TTPA: variants seen among roughly 807,000 people sequenced by gnomAD.
TTPA encodes alpha tocopherol transfer protein, also known as alpha-tocopherol transfer protein.
In TTPA, 23 loss-of-function variants were observed where a neutral mutation model predicts 25.9. The ratio of observed to expected loss-of-function variants is 0.89; its 90% confidence interval spans 0.64 to 1.26. TTPA has a LOEUF of 1.26. Ranked by LOEUF, TTPA falls within the 50% of genes most tolerant of loss-of-function variation. The pLI is 0.00. For synonymous variants in TTPA, 148 were observed against 137.3 expected (o/e 1.08, Z -0.54); for missense variants, 337 against 353.1 (o/e 0.95, Z 0.37).
In TTPA at chr8:63,064,335, T is replaced by A; in HGVS notation, c.553-19A>T. ...ATGAATCCTTTTGAAAATAAAAAAA[T>A]CTTAATAACAAAACATAAATATTAC... is the stretch of plus-strand genomic sequence containing the variant. On this transcript the variant is annotated intron_variant, in intron 3 of 4. Transcript: ENST00000260116. The A allele has an allele frequency of 6.5e-7, 1 of 1,543,610 alleles. No homozygotes were observed. The highest frequency in any genetic ancestry group is 8.9e-7 in the Non-Finnish European group (1 of 1,121,382).
At chr8:63,062,419 T>G (rs987543890) in intron 4 of TTPA, among the ~76,000 whole-genome samples, 2 of 152,212 alleles carry the variant, frequency 1.3e-5, no homozygotes, top group Non-Finnish European at 2.9e-5. Context: ...TCAACAATCA[T>G]TTAATAAGCA....
intron 1 of TTPA, among the ~76,000 whole-genome samples, chr8:63,080,719 C>CAAAAAAAAAAA (rs764937720): frequency 1.4e-5 from 1 of 69,906 alleles, no homozygotes; most frequent in African/African-American, 4.5e-5. Context: ...GACTCCGTAT[C>CAAAAAAAAAAA]AAAAAAAAAA....
chr8:63,084,908 A>T (rs1805723679), intron 1 of TTPA, among the ~76,000 whole-genome samples: 1 of 152,184 alleles, frequency 6.6e-6, no homozygotes, highest in Admixed American at 6.5e-5. Flanking sequence ...AAACAAGAGA[A>T]ACCCTCAAAA....
At chr8:63,073,171 G>T in intron 1 of TTPA, 83 bp from the exon 2 acceptor site, 3 of 1,160,032 alleles carry the variant, frequency 2.6e-6, no homozygotes, top group Non-Finnish European at 3.7e-6. Context: ...TTGGCATTGT[G>T]TATAAACTTT....
chr8:63,073,108 T>C lies in TTPA; in HGVS notation c.205-20A>G. ...TAGTAACTGAAAAATAAAATTAAAA[T>C]TGTCTACAAATGGCATACATGGTAA... On this transcript the variant is annotated intron_variant, in intron 1 of 4. Transcript: ENST00000260116. The C allele has an allele frequency of 6.3e-7, 1 of 1,585,516 alleles. No individual in the cohort carries two copies. Among genetic ancestry groups the C allele is most frequent in the Non-Finnish European group, 8.6e-7 (1 of 1,159,286 alleles).
intron 4 of TTPA, among the ~76,000 whole-genome samples, chr8:63,063,259 ATTAGT>A (rs1006014749): frequency 2.0e-5 from 3 of 152,322 alleles, no homozygotes; most frequent in African/African-American, 7.2e-5. Flanking sequence ...TTCTTTACAG[ATTAGT>A]TTAGAATGGT....
chr8:63,064,675 A>G lies in TTPA; in HGVS notation c.553-359T>C, dbSNP rs1043366842. ...TTTCCCAAAAAATGTTTATTTTGAG[A>G]AAAAAAATCACAAATATTGAAAGAC... On this transcript the variant is annotated intron_variant, in intron 3 of 4. Coordinates refer to ENST00000260116, the MANE Select transcript of TTPA (RefSeq NM_000370.3). Among the ~76,000 whole-genome samples the G allele has an allele frequency of 8.5e-5, 13 of 152,054 alleles. 1 individual carries two copies. Among genetic ancestry groups the G allele is most frequent in the Admixed American group, 5.9e-4 (9 of 15,256 alleles).
chr8:63,065,620 G>C (rs1468330745), intron 3 of TTPA, among the ~76,000 whole-genome samples: 3 of 151,712 alleles, frequency 2.0e-5, no homozygotes, highest in African/African-American at 7.3e-5. Context: ...TTTTAATTTA[G>C]GAAAAAAAGT....
At chr8:63,061,464 G>C (rs1805305417) in intron 4 of TTPA, 39 bp from the exon 5 acceptor site, 2 of 1,592,228 alleles carry the variant, frequency 1.3e-6, no homozygotes, top group Non-Finnish European at 1.7e-6. Flanking sequence ...AACCGCATTA[G>C]ATGCATTTCC....
chr8:63,058,489 A>G (rs533211618), downstream of TTPA, among the ~76,000 whole-genome samples: 3 of 152,392 alleles, frequency 2.0e-5, no homozygotes, highest in South Asian at 4.1e-4. Flanking sequence ...CAATGAGCAC[A>G]TAATACAGTT....
chr8:63,071,166 T>C (rs1270546756), intron 2 of TTPA, among the ~76,000 whole-genome samples: 1 of 152,212 alleles, frequency 6.6e-6, no homozygotes, highest in Non-Finnish European at 1.5e-5. Flanking sequence ...AGGAAGATCA[T>C]GATGTCTGTT....
At chr8:63,064,163 T>A (rs377617923) in intron 4 of TTPA, 43 bp downstream of exon 4, 4 of 1,387,122 alleles carry the variant, frequency 2.9e-6, no homozygotes, top group Non-Finnish European at 4.1e-6. Flanking sequence ...AGGGTTGGAA[T>A]GTTTGGTGTA....
intron 2 of TTPA, among the ~76,000 whole-genome samples, chr8:63,069,930 T>C (rs1365908101): frequency 2.0e-5 from 3 of 152,194 alleles, no homozygotes; most frequent in Admixed American, 2.0e-4. Flanking sequence ...TTCTCCAGTA[T>C]CTACTTAATA....
intron 1 of TTPA, among the ~76,000 whole-genome samples, chr8:63,079,429 C>T (rs1261444933): frequency 6.6e-6 from 1 of 151,646 alleles, no homozygotes; most frequent in Non-Finnish European, 1.5e-5. Context: ...GTCTATAGCA[C>T]ATCTCACATG....
rs1035361480 is a variant in TTPA at position 63,060,250 on chromosome 8, A to T, written c.*1002T>A. Reference sequence around the variant, plus strand: ...AGTCATAAGAATGACCATAAGCAAAAGTTAAAATTACATTCTTGATTTGTT... The same window carrying T: ...AGTCATAAGAATGACCATAAGCAAATGTTAAAATTACATTCTTGATTTGTT... On this transcript the variant is annotated 3_prime_UTR_variant, in exon 5 of 5. Transcript: ENST00000260116. 4 of 152,316 alleles carry T rather than the reference A, an allele frequency of 2.6e-5. No individual in the cohort carries two copies. The highest frequency in any genetic ancestry group is 7.2e-5 in the African/African-American group (3 of 41,550). The allele number at this position is 152,316 out of a possible 1,614,324, so 9.4% of individuals were successfully genotyped here. A position where few individuals can be genotyped will look rare whatever the true frequency, so the allele number is the denominator to read the frequency against.
intron 1 of TTPA, among the ~76,000 whole-genome samples, chr8:63,082,276 A>C (rs1805675640): frequency 6.6e-6 from 1 of 152,206 alleles, no homozygotes; most frequent in Admixed American, 6.5e-5. Flanking sequence ...ACAGCATGGT[A>C]CTGGTACCAA....
chr8:63,080,725 AAAAAAAAAAAT>A, intron 1 of TTPA, among the ~76,000 whole-genome samples: 1 of 145,426 alleles, frequency 6.9e-6, no homozygotes, highest in South Asian at 2.1e-4. Context: ...GTATCAAAAA[AAAAAAAAAAAT>A]AAATAATAAT....
intron 2 of TTPA, among the ~76,000 whole-genome samples, chr8:63,067,490 A>G (rs1401858983): frequency 6.6e-6 from 1 of 151,282 alleles, no homozygotes; most frequent in Non-Finnish European, 1.5e-5. Context: ...AGTGCCTAAC[A>G]GGATGAACGA....
intron 1 of TTPA, 132 bp downstream of exon 1, chr8:63,085,686 T>C: frequency 9.0e-7 from 1 of 1,109,788 alleles, no homozygotes; most frequent in Non-Finnish European, 1.3e-6. Flanking sequence ...GCCGGGTGGT[T>C]AGGGGCGCGT....
Sources: allele counts gnomAD v4.1 joint callset (sites outside exome capture counted in the v4.1 genomes callset), GRCh38; gene constraint gnomAD v4.1.1; transcripts MANE v1.5; gene names NCBI Gene and HGNC (gene_info 2026-07-23, HGNC 2026-07-21).